CPNE9: variants seen among roughly 807,000 people sequenced by gnomAD.
The protein encoded by CPNE9 is copine family member 9.
CPNE9 carries 59 observed loss-of-function variants against 83.0 expected under a neutral mutation model. The ratio of observed to expected loss-of-function variants is 0.71; its 90% CI spans 0.58 to 0.88. The LOEUF (loss-of-function observed/expected upper bound fraction) is 0.88. Ranked by LOEUF, CPNE9 falls within the 40% of genes least tolerant of loss-of-function variation. CPNE9 has a pLI of 0.00. For synonymous variants in CPNE9, 256 were observed against 273.4 expected (o/e 0.94, Z 0.63); for missense variants, 619 against 720.8 (o/e 0.86, Z 1.62).
In CPNE9 at chr3:9,718,466, CTT is replaced by C. The variant is rs778970858; in HGVS notation, c.1114-7_1114-6del. On this transcript the variant is annotated splice_polypyrimidine_tract_variant and splice_region_variant and intron_variant, in intron 16 of 20. Coordinates refer to ENST00000383832, the MANE Select transcript of CPNE9 (RefSeq NM_153635.3). Reference sequence around the variant, plus strand: ...TGGGCTCAGCCTGGCAGGGCATATTCTTTGACAGAACAACAATGATGAGGACC... The same window carrying C: ...TGGGCTCAGCCTGGCAGGGCATATTCTGACAGAACAACAATGATGAGGACC... The C allele has an allele frequency of 1.9e-6, 3 of 1,611,786 alleles. No homozygotes were observed. Among genetic ancestry groups the C allele is most frequent in the Non-Finnish European group, 2.5e-6 (3 of 1,178,916 alleles).
At chr3:9,718,267 G>T in intron 16 of CPNE9, 57 bp downstream of exon 16, 1 of 1,518,576 alleles carries the variant, frequency 6.6e-7, no homozygotes, top group East Asian at 2.3e-5. Context: ...CACCCAAGTT[G>T]ATGATTTTGT....
chr3:9,729,651 C>A lies in CPNE9; in HGVS notation c.1621C>A (p.Pro541Thr). ...AGACATCCAGCCTCGGCCCCCACCC[C>A]CTGCCAACCCCAGCCCGATCCCAGC... ...TRDIQPRPPP[P>T]ANPSPIPAPE... Residue 541 changes from proline to threonine, a missense_variant, in exon 21 of 21, where the codon CCT becomes ACT. By Grantham distance (38) the Pro-to-Thr change is conservative. Transcript: ENST00000383832. 8 of 1,614,078 alleles carry A rather than the reference C, an allele frequency of 5.0e-6. No individual in the cohort carries two copies. The highest frequency in any genetic ancestry group is 6.8e-6 in the Non-Finnish European group (8 of 1,179,958).
chr3:9,725,535 AAAAAC>A (rs2076769341), intron 17 of CPNE9, among the ~76,000 whole-genome samples: 1 of 151,794 alleles, frequency 6.6e-6, no homozygotes, highest in African/African-American at 2.4e-5. Context: ...ACTCTGTCTC[AAAAAC>A]AAAACAAAAC....
chr3:9,723,125 C>G (rs1214318546), intron 17 of CPNE9, among the ~76,000 whole-genome samples: 3 of 152,182 alleles, frequency 2.0e-5, no homozygotes, highest in African/African-American at 7.2e-5. Context: ...AGGTACCAAG[C>G]CAGGTCTCTG....
intron 7 of CPNE9, among the ~76,000 whole-genome samples, chr3:9,706,343 G>A (rs1471692979): frequency 6.7e-6 from 1 of 149,856 alleles, no homozygotes; most frequent in African/African-American, 2.5e-5. Flanking sequence ...AGCCTTTAAG[G>A]TCCACTTCCA....
At chr3:9,726,383 T>C (rs1022005871) in intron 18 of CPNE9, among the ~76,000 whole-genome samples, 1 of 152,188 alleles carries the variant, frequency 6.6e-6, no homozygotes, top group Non-Finnish European at 1.5e-5. Context: ...ACAGTAAGCA[T>C]GCTTGCCTTT....
chr3:9,716,140 T>C (rs753494030), intron 14 of CPNE9, 105 bp downstream of exon 14: 1 of 991,332 alleles, frequency 1.0e-6, no homozygotes, highest in Non-Finnish European at 1.5e-6. Context: ...AGTGAGACCA[T>C]GGAGATAAAC....
chr3:9,729,286 C>A (rs532988662), intron 20 of CPNE9, among the ~76,000 whole-genome samples: 1 of 152,208 alleles, frequency 6.6e-6, no homozygotes, highest in South Asian at 2.1e-4. Flanking sequence ...GTTTCAATGG[C>A]CTGTGTGAAG....
At chr3:9,724,111 C>T (rs2076755995) in intron 17 of CPNE9, among the ~76,000 whole-genome samples, 1 of 151,840 alleles carries the variant, frequency 6.6e-6, no homozygotes, top group African/African-American at 2.4e-5. Context: ...CAGCTCCATC[C>T]TTTCCAGTCC....
At position 9,724,949 on chromosome 3, in the gene CPNE9, G is replaced by A. The variant is rs750513460; in HGVS notation, c.1242-1000G>A. ...TTTTTGTATTTTTCATAGAGACAGG[G>A]TTTCACCATATTGGCCAGGCTGGTC... is the stretch of plus-strand genomic sequence containing the variant. On this transcript the variant is annotated intron_variant, in intron 17 of 20. Transcript: ENST00000383832. Among the ~76,000 whole-genome samples the A allele has an allele frequency of 4.6e-4, 70 of 152,048 alleles. 1 individual carries two copies. Among genetic ancestry groups the A allele is most frequent in the Admixed American group, 6.5e-4 (10 of 15,272 alleles).
At chr3:9,719,169 A>T (rs2076712131) in intron 17 of CPNE9, among the ~76,000 whole-genome samples, 1 of 152,150 alleles carries the variant, frequency 6.6e-6, no homozygotes, top group Admixed American at 6.5e-5. Flanking sequence ...AAATTAAAAA[A>T]ATTAAAGTAT....
chr3:9,709,864 C>G (rs2076608392), intron 7 of CPNE9, among the ~76,000 whole-genome samples: 1 of 151,634 alleles, frequency 6.6e-6, no homozygotes. Context: ...GTGGAGCGTG[C>G]CTGTAATCCC....
Position 9,704,529 on chromosome 3 carries a change from A to C in CPNE9, c.69-58A>C. The C allele has an allele frequency of 1.4e-6, 2 of 1,442,262 alleles. No individual in the cohort carries two copies. The highest frequency in any genetic ancestry group is 2.0e-6 in the Non-Finnish European group (2 of 1,023,304). 89.3% of individuals were successfully genotyped at this position (1,442,262 alleles called of 1,614,324 possible). On this transcript the variant is annotated intron_variant, in intron 1 of 20. Coordinates refer to ENST00000383832, the MANE Select transcript of CPNE9 (RefSeq NM_153635.3). The surrounding 1 kb of genome is among the most constrained non-coding windows in gnomAD (Gnocchi z 7.1). ...CTCCTCAGTGCCCGGCTCAGAGCCG[A>C]CTCGAGGCGGGCGGACTCCAGGATG...
In CPNE9 at chr3:9,704,747, A is replaced by C. The variant is rs1289343147; in HGVS notation, c.110-2A>C. ...TCCTTCCCTCCCCGCCCCCACCTGCAGTGGTGGTGCTTTACACGCAGAGCC... is the reference window on the plus strand; with the variant it reads ...TCCTTCCCTCCCCGCCCCCACCTGCCGTGGTGGTGCTTTACACGCAGAGCC... On this transcript the variant is annotated splice_acceptor_variant, in intron 2 of 20. Transcript: ENST00000383832. LOFTEE classifies it high-confidence loss of function. This position sits in a 1 kb window ranked among gnomAD's most constrained non-coding sequence, Gnocchi z 7.1. The C allele has an allele frequency of 6.2e-7, 1 of 1,611,858 alleles. No homozygotes were observed. The highest frequency in any genetic ancestry group is 8.5e-7 in the Non-Finnish European group (1 of 1,179,534).
Position 9,718,471 on chromosome 3 carries a change from AC to A in CPNE9, c.1114-3del. On this transcript the variant is annotated splice_polypyrimidine_tract_variant and splice_region_variant and intron_variant, in intron 16 of 20. Transcript: ENST00000383832. ...TCAGCCTGGCAGGGCATATTCTTTGACAGAACAACAATGATGAGGACCCCAA... is the reference window on the plus strand; with the variant it reads ...TCAGCCTGGCAGGGCATATTCTTTGAAGAACAACAATGATGAGGACCCCAA... 1 of 1,611,932 alleles carries A rather than the reference AC, an allele frequency of 6.2e-7. No homozygotes were observed. The highest frequency in any genetic ancestry group is 8.5e-7 in the Non-Finnish European group (1 of 1,179,024).
At chr3:9,709,558 C>T (rs945929638) in intron 7 of CPNE9, among the ~76,000 whole-genome samples, 8 of 151,482 alleles carry the variant, frequency 5.3e-5, no homozygotes, top group Non-Finnish European at 7.4e-5. Context: ...TTAGTAGAGA[C>T]GGGGTTTCGC....
chr3:9,709,402 C>G (rs1341093362), intron 7 of CPNE9, among the ~76,000 whole-genome samples: 1 of 142,530 alleles, frequency 7.0e-6, no homozygotes, highest in African/African-American at 2.6e-5. Flanking sequence ...CTCACTCTGT[C>G]GCCCAGGCTG....
intron 20 of CPNE9, among the ~76,000 whole-genome samples, chr3:9,728,579 C>T (rs1328390650): frequency 6.6e-6 from 1 of 152,098 alleles, no homozygotes; most frequent in East Asian, 1.9e-4. Flanking sequence ...GCCGAGATCG[C>T]ACCATTGCTC....
intron 20 of CPNE9, among the ~76,000 whole-genome samples, chr3:9,728,024 GCAA>G (rs1559647673): frequency 6.6e-6 from 1 of 152,228 alleles, no homozygotes; most frequent in Non-Finnish European, 1.5e-5. Flanking sequence ...TCTAGCTTAA[GCAA>G]CTGGGTGAGT....
Sources: allele counts gnomAD v4.1 joint callset (sites outside exome capture counted in the v4.1 genomes callset), GRCh38; gene constraint gnomAD v4.1.1; non-coding constraint Gnocchi (gnomAD v3.1); transcripts MANE v1.5; gene names NCBI Gene and HGNC (gene_info 2026-07-23, HGNC 2026-07-21).